The following CUX1 variants were observed in gnomAD, a reference collection of about 807,000 sequenced individuals.
CUX1 encodes the protein protein CASP.
Under a neutral mutation model 158.8 loss-of-function variants are expected in CUX1, and 31 were observed. The ratio of observed to expected loss-of-function variants is 0.20; its 90% CI spans 0.15 to 0.26. The LOEUF is 0.26. Among genes scored for constraint, CUX1 ranks in the 10% least tolerant of loss-of-function variants. The probability of loss-of-function intolerance (pLI) is 1.00; values close to 1 mark genes in which losing one functional copy is unlikely to be tolerated. For synonymous variants in CUX1, 879 were observed against 862.1 expected (o/e 1.02, Z -0.34); for missense variants, 1,589 against 2,014.6 (o/e 0.79, Z 4.04).
chr7:102,216,623 A>ACC (rs1349804533), intron 20 of CUX1, among the ~76,000 whole-genome samples: 2 of 89,340 alleles, frequency 2.2e-5, no homozygotes, highest in Non-Finnish European at 4.5e-5. Flanking sequence ...CACTCCCCAC[A>ACC]CACACACCCC....
intron 14 of CUX1, among the ~76,000 whole-genome samples, chr7:102,196,034 C>T (rs140896106): frequency 1.6e-3 from 241 of 152,330 alleles, no homozygotes; most frequent in Middle Eastern, 6.8e-3. Context: ...CAGGTTTCCC[C>T]TGGGGACGCG....
intron 1 of CUX1, among the ~76,000 whole-genome samples, chr7:101,868,416 G>A (rs1486706887): frequency 1.3e-5 from 2 of 152,156 alleles, no homozygotes; most frequent in Non-Finnish European, 2.9e-5. Context: ...GGCATTTCCT[G>A]GGTAGAGTCT....
intron 8 of CUX1, among the ~76,000 whole-genome samples, chr7:102,141,370 C>A (rs1554500242): frequency 1.3e-5 from 2 of 152,000 alleles, no homozygotes; most frequent in Admixed American, 6.6e-5. Flanking sequence ...GAATTGTGGA[C>A]AAATCTATAG....
rs77908934 is a variant in CUX1 at position 101,901,872 on chromosome 7, T to C, written c.31-14243T>C. On this transcript the variant is annotated intron_variant, in intron 1 of 23. Coordinates refer to ENST00000292535, the MANE Select transcript of CUX1 (RefSeq NM_181552.4). ...CCAGAATGGCTGGTGCCCTAACAAA[T>C]TGATTCCTGCCAAACAATAGAAATA... Among the ~76,000 whole-genome samples the C allele has an allele frequency of 1.8e-4, 28 of 152,348 alleles. No homozygotes were observed. In the East Asian group the frequency reaches 5.2e-3, roughly 28 times the overall value.
intron 1 of CUX1, among the ~76,000 whole-genome samples, chr7:101,908,449 T>TG (rs1231260897): frequency 2.0e-5 from 2 of 97,992 alleles, no homozygotes; most frequent in African/African-American, 7.6e-5. Context: ...CCCAGCCTGT[T>TG]TTTTGTTTGT....
At chr7:101,940,452 A>T (rs1335087798) in intron 2 of CUX1, among the ~76,000 whole-genome samples, 1 of 151,638 alleles carries the variant, frequency 6.6e-6, no homozygotes, top group Non-Finnish European at 1.5e-5. Flanking sequence ...TGGAAGGAAT[A>T]AGGGGTTATT....
Position 102,277,946 on chromosome 7 carries a change from CAGGAGA to C in CUX1, c.1564-1_1568del. ...ACCCCTTTCCTTGCCCCTCCCCCCC[CAGGAGA>C]ACCGCCTGGCCCAGCACACCCTCCA... On this transcript the variant is annotated splice_acceptor_variant and coding_sequence_variant, in exon 18 of 23. Coordinates refer to the CUX1 transcript ENST00000292538. LOFTEE classifies it high-confidence loss of function. 6.6e-7 allele frequency: 1 copy of C among 1,513,432 alleles called. No homozygotes were observed. Among genetic ancestry groups the C allele is most frequent in the Non-Finnish European group, 8.9e-7 (1 of 1,119,932 alleles). 93.8% of individuals were successfully genotyped at this position (1,513,432 alleles called of 1,614,324 possible). A position where few individuals can be genotyped will look rare whatever the true frequency, so the allele number is the denominator to read the frequency against.
intron 8 of CUX1, among the ~76,000 whole-genome samples, chr7:102,150,530 T>C (rs1347618437): frequency 2.6e-5 from 4 of 152,132 alleles, no homozygotes; most frequent in Admixed American, 6.5e-5. Context: ...TTTTTCCAAC[T>C]GCCTTGTAGA....
At chr7:101,967,585 A>G (rs1466964614) in intron 2 of CUX1, among the ~76,000 whole-genome samples, 2 of 152,220 alleles carry the variant, frequency 1.3e-5, no homozygotes, top group Admixed American at 6.5e-5. Context: ...GAGCCCGGGC[A>G]TGTATGCGTC....
At chr7:102,121,721 AC>A (rs1371656533) in intron 8 of CUX1, among the ~76,000 whole-genome samples, 1 of 152,126 alleles carries the variant, frequency 6.6e-6, no homozygotes, top group East Asian at 1.9e-4. Context: ...TCCTGAAGTC[AC>A]TGGGGCAGCT....
intron 3 of CUX1, among the ~76,000 whole-genome samples, chr7:102,036,152 A>C (rs1212206057): frequency 1.3e-5 from 2 of 152,014 alleles, no homozygotes; most frequent in Non-Finnish European, 2.9e-5. Flanking sequence ...TTTTTAGTAA[A>C]GACGGTTTCG....
At position 102,256,308 on chromosome 7, in the gene CUX1, C is replaced by T. The variant is rs1263957739; in HGVS notation, c.*7266C>T. The T allele has an allele frequency of 2.0e-6, 2 of 985,024 alleles. No homozygotes were observed. The highest frequency in any genetic ancestry group is 3.5e-5 in the African/African-American group (2 of 57,124). The allele number at this position is 985,024 out of a possible 1,614,324, so 61.0% of individuals were successfully genotyped here. A position where few individuals can be genotyped will look rare whatever the true frequency, so the allele number is the denominator to read the frequency against. On this transcript the variant is annotated 3_prime_UTR_variant, in exon 24 of 24. Coordinates refer to ENST00000292535, the MANE Select transcript of CUX1 (RefSeq NM_181552.4). ...TGAGGGTGATTATAAAAGGATGTTT[C>T]CTTGAGAAAAAAAAAATTATTTCTA...
chr7:101,935,095 T>C (rs908307872), intron 2 of CUX1, among the ~76,000 whole-genome samples: 1 of 151,856 alleles, frequency 6.6e-6, no homozygotes, highest in Non-Finnish European at 1.5e-5. Flanking sequence ...AGATGGCCGG[T>C]TCCTGCCTTT....
At chr7:101,884,772 A>T (rs1013591819) in intron 1 of CUX1, among the ~76,000 whole-genome samples, 1 of 152,218 alleles carries the variant, frequency 6.6e-6, no homozygotes, top group Non-Finnish European at 1.5e-5. Flanking sequence ...TGGCACTTTA[A>T]TGGATATTTA....
At position 102,202,018 on chromosome 7, in the gene CUX1, G is replaced by C; in HGVS notation, c.2721G>C (p.Gln907His). Residue 907 changes from glutamine to histidine, a missense_variant, in exon 18 of 24, where the codon CAG (glutamine) becomes CAC (histidine). Physicochemically the swap from Gln to His is conservative, Grantham distance 24. Transcript: ENST00000292535. Reference protein sequence around the residue: ...LTGASRSETPQNSPLPSSPIV... With the variant: ...LTGASRSETPHNSPLPSSPIV... Reference sequence around the variant, plus strand: ...GGGCCAGCCGCAGCGAGACACCACAGAACAGCCCCCTGCCATCCTCCCCGA... The same window carrying C: ...GGGCCAGCCGCAGCGAGACACCACACAACAGCCCCCTGCCATCCTCCCCGA... 6.2e-7 allele frequency: 1 copy of C among 1,614,064 alleles called. No individual in the cohort carries two copies. The highest frequency in any genetic ancestry group is 8.5e-7 in the Non-Finnish European group (1 of 1,179,996).
chr7:102,261,450 C>T (rs533369269), downstream of CUX1, among the ~76,000 whole-genome samples: 76 of 151,980 alleles, frequency 5.0e-4, no homozygotes, highest in African/African-American at 1.1e-3. Flanking sequence ...GCCAAGATTG[C>T]GCCACTGCAC....
At chr7:102,273,289 G>T in intron 14 of CUX1, 1 of 1,554,154 alleles carries the variant, frequency 6.4e-7, no homozygotes, top group African/African-American at 1.4e-5. Context: ...ACCGTGGGTT[G>T]GAGAGGCAGA....
In CUX1 at chr7:102,256,667, T is replaced by C; in HGVS notation, c.*7625T>C. On this transcript the variant is annotated 3_prime_UTR_variant, in exon 24 of 24. Coordinates refer to ENST00000292535, the MANE Select transcript of CUX1 (RefSeq NM_181552.4). ...GTTGCTGAGTTGAAGAATGCTCGCT[T>C]GAGGAGCTTCAGAGGAATCTTAGCA... 1 of 985,462 alleles carries C rather than the reference T, an allele frequency of 1.0e-6. No homozygotes were observed. Among genetic ancestry groups the C allele is most frequent in the Non-Finnish European group, 1.2e-6 (1 of 829,936 alleles). 61.0% of individuals were successfully genotyped at this position (985,462 alleles called of 1,614,324 possible).
At chr7:102,194,555 G>A (rs114458183) in intron 13 of CUX1, among the ~76,000 whole-genome samples, 167 of 151,630 alleles carry the variant, frequency 1.1e-3, no homozygotes, top group African/African-American at 3.3e-3. Flanking sequence ...AGCTATGATC[G>A]CACCACTGCA....
Sources: allele counts gnomAD v4.1 joint callset (sites outside exome capture counted in the v4.1 genomes callset), GRCh38; gene constraint gnomAD v4.1.1; transcripts MANE v1.5; gene names NCBI Gene and HGNC (gene_info 2026-07-23, HGNC 2026-07-21).